DMD: variants seen among roughly 807,000 people sequenced by gnomAD.
DMD encodes the protein mutant dystrophin.
In DMD, 63 loss-of-function variants were observed where a neutral mutation model predicts 330.1. The ratio of observed to expected loss-of-function variants is 0.19; its 90% confidence interval spans 0.16 to 0.24. The LOEUF (loss-of-function observed/expected upper bound fraction) is 0.24, where lower values mean the gene tolerates loss of function less well. DMD is among the 10% of genes least tolerant of loss of function. The probability of loss-of-function intolerance (pLI) is 1.00; values close to 1 mark genes in which losing one functional copy is unlikely to be tolerated. For missense variants in DMD, 3,344 were observed against 2,684.1 expected, an observed-to-expected ratio of 1.25 and a Z score of -5.43; for synonymous variants, 1,223 against 959.8, an observed-to-expected ratio of 1.27 and a Z score of -5.07.
Position 31,556,092 on chromosome X carries a change from G to T in DMD, c.8218-48639C>A, listed in dbSNP as rs780161667. On this transcript the variant is annotated intron_variant, in intron 55 of 78. Transcript: ENST00000357033. Reference sequence around the variant, plus strand: ...AAAAAAAATAATAATAATTGGCCGGGCGCAGTGGCTCACGCCTGTAATCCC... The same window carrying T: ...AAAAAAAATAATAATAATTGGCCGGTCGCAGTGGCTCACGCCTGTAATCCC... Among the ~76,000 whole-genome samples, 8 of 110,669 alleles carry T rather than the reference G, an allele frequency of 7.2e-5. No individual in the cohort carries two copies. In the East Asian group the frequency reaches 2.0e-3, roughly 27 times the overall value.
chrX:32,380,636 G>A lies in DMD; in HGVS notation c.4719C>T (p.Ser1573=). 1 of 1,208,456 alleles carries A rather than the reference G, an allele frequency of 8.3e-7. No homozygotes were observed. Residue 1573 remains serine, a synonymous_variant, in exon 34 of 79, where the codon TCC becomes TCT. Coordinates refer to ENST00000357033, the MANE Select transcript of DMD (RefSeq NM_004006.3). Reference sequence around the variant, plus strand: ...CATTCATTTCCTTTCGCATCTTACGGGACAATTTCAAGCATTTCTCCAACT... The same window carrying A: ...CATTCATTTCCTTTCGCATCTTACGAGACAATTTCAAGCATTTCTCCAACT... ...KQQLEKCLKL[S]RKMRKEMNVL...
chrX:32,299,059 G>A (rs927574687), intron 42 of DMD, among the ~76,000 whole-genome samples: 14 of 109,736 alleles, frequency 1.3e-4, no homozygotes, highest in African/African-American at 3.3e-4. Flanking sequence ...AATATGTATC[G>A]GGAAATCCAG....
At chrX:32,242,951 A>AAGG (rs1491265820) in intron 43 of DMD, among the ~76,000 whole-genome samples, 46 of 81,210 alleles carry the variant, frequency 5.7e-4, no homozygotes, top group African/African-American at 1.9e-3. Flanking sequence ...AAGGAAAAGG[A>AAGG]AAAGGAACAG....
At chrX:33,009,998 GTATGTA>G (rs2093636979) in intron 2 of DMD, among the ~76,000 whole-genome samples, 1 of 27,168 alleles carries the variant, frequency 3.7e-5, no homozygotes, top group Admixed American at 3.3e-4. Flanking sequence ...GTATATACAC[GTATGTA>G]TGTGTATATA....
intron 63 of DMD, among the ~76,000 whole-genome samples, chrX:31,241,704 T>TC (rs1175136837): frequency 1.6e-4 from 18 of 110,747 alleles, no homozygotes; most frequent in Admixed American, 1.5e-3. Context: ...CCCTTTTCCT[T>TC]CCCCCATTGC....
At chrX:32,529,222 G>A (rs1487287937) in intron 17 of DMD, among the ~76,000 whole-genome samples, 2 of 107,566 alleles carry the variant, frequency 1.9e-5, no homozygotes, top group African/African-American at 6.8e-5. Flanking sequence ...ACCGCGCCAG[G>A]TCAAACCAAT....
intron 43 of DMD, among the ~76,000 whole-genome samples, chrX:32,277,351 A>C (rs1474624746): frequency 9.0e-6 from 1 of 111,697 alleles, no homozygotes; most frequent in Non-Finnish European, 1.9e-5. Context: ...AGAGAGAAAG[A>C]CCTCAATACA....
chrX:32,579,418 G>T (rs1405367576), intron 13 of DMD, among the ~76,000 whole-genome samples: 1 of 112,009 alleles, frequency 8.9e-6, no homozygotes, highest in Non-Finnish European at 1.9e-5. Flanking sequence ...TGAGGTCACA[G>T]AAGCCACAGT....
chrX:31,675,045 C>T (rs2082001508), intron 53 of DMD, among the ~76,000 whole-genome samples: 1 of 112,282 alleles, frequency 8.9e-6, no homozygotes, highest in East Asian at 2.8e-4. Context: ...TTGTACCAGG[C>T]CCATAGAGAA....
intron 1 of DMD, among the ~76,000 whole-genome samples, chrX:33,271,038 C>T (rs1321286495): frequency 2.7e-5 from 3 of 111,349 alleles, no homozygotes; most frequent in Admixed American, 9.6e-5. Context: ...TTATTTGTGG[C>T]AATATTGTAT....
At chrX:31,896,297 T>C (rs1352707875) in intron 47 of DMD, among the ~76,000 whole-genome samples, 1 of 111,983 alleles carries the variant, frequency 8.9e-6, no homozygotes, top group East Asian at 2.8e-4. Context: ...CAAATTTTAA[T>C]CAACAATGCT....
intron 36 of DMD, 137 bp downstream of exon 36, chrX:32,364,445 G>A: frequency 2.7e-6 from 2 of 730,719 alleles, no homozygotes; most frequent in Admixed American, 2.7e-5. Context: ...GGGGAAGGAA[G>A]GAAAAAGGGA....
intron 9 of DMD, among the ~76,000 whole-genome samples, chrX:32,696,471 T>C (rs768513027): frequency 1.8e-5 from 2 of 112,096 alleles, no homozygotes; most frequent in African/African-American, 3.2e-5. Context: ...ATTTGTTGAA[T>C]TATCTGTGAT....
chrX:32,735,528 G>A lies in DMD; in HGVS notation c.650-36235C>T, dbSNP rs371425898. 5.7e-4 allele frequency among the ~76,000 whole-genome samples: 63 copies of A among 111,095 alleles called. 3 individuals are homozygous for A. The highest frequency in any genetic ancestry group is 3.8e-4 in the South Asian group (1 of 2,653). Reference sequence around the variant, plus strand: ...TGACTTCAAACTATACTACAAGGCTGCAGTAACCAAAACAGCATGGTACTG... The same window carrying A: ...TGACTTCAAACTATACTACAAGGCTACAGTAACCAAAACAGCATGGTACTG... On this transcript the variant is annotated intron_variant, in intron 7 of 78. Coordinates refer to ENST00000357033, the MANE Select transcript of DMD (RefSeq NM_004006.3).
chrX:32,806,054 T>C (rs753951425), intron 7 of DMD, among the ~76,000 whole-genome samples: 68 of 111,663 alleles, frequency 6.1e-4, no homozygotes, highest in African/African-American at 2.0e-3. Context: ...GCTAGCATCA[T>C]AATGACAGGA....
chrX:33,312,174 T>C (rs1031746692), intron 1 of DMD, among the ~76,000 whole-genome samples: 1 of 111,119 alleles, frequency 9.0e-6, no homozygotes, highest in Non-Finnish European at 1.9e-5. Flanking sequence ...AATAACATAG[T>C]TGAGTCCTGA....
intron 1 of DMD, among the ~76,000 whole-genome samples, chrX:33,328,709 A>C (rs2054126185): frequency 9.0e-6 from 1 of 111,407 alleles, no homozygotes; most frequent in Admixed American, 9.6e-5. Context: ...ACTAGAAAAA[A>C]ACCCTTTACT....
intron 60 of DMD, among the ~76,000 whole-genome samples, chrX:31,434,492 T>C (rs2064370431): frequency 9.3e-6 from 1 of 107,567 alleles, no homozygotes. Flanking sequence ...CCTTACTATA[T>C]ATTCTGGTAG....
intron 43 of DMD, among the ~76,000 whole-genome samples, chrX:32,235,665 C>G (rs62589859): frequency 0.022 from 2,472 of 111,355 alleles, 30 homozygotes; most frequent in Non-Finnish European, 0.03. Context: ...ATTTTTTCAA[C>G]TTTTTCTAAC....
Sources: allele counts gnomAD v4.1 joint callset (sites outside exome capture counted in the v4.1 genomes callset), GRCh38; gene constraint gnomAD v4.1.1; transcripts MANE v1.5; gene names NCBI Gene and HGNC (gene_info 2026-07-23, HGNC 2026-07-21).